The following MSH4 variants were observed in gnomAD, a reference collection of about 807,000 sequenced individuals.
The protein encoded by MSH4 is mutS homolog 4, also known as mutS protein homolog 4.
In MSH4, 106 loss-of-function variants were observed where a neutral mutation model predicts 113.7. The observed-to-expected ratio is 0.93, with a 90% CI of 0.80 to 1.10. MSH4 has a LOEUF of 1.10. Ranked by LOEUF, MSH4 falls within the 50% of genes least tolerant of loss-of-function variation. The probability of loss-of-function intolerance (pLI) is 0.00; values close to 1 mark genes in which losing one functional copy is unlikely to be tolerated. For synonymous variants in MSH4, 368 were observed against 380.2 expected, an observed-to-expected ratio of 0.97 and a Z score of 0.37; for missense variants, 1,061 against 1,093.7, an observed-to-expected ratio of 0.97 and a Z score of 0.42.
chr1:75,808,790 G>A (rs997591663), intron 3 of MSH4, among the ~76,000 whole-genome samples: 5 of 151,940 alleles, frequency 3.3e-5, no homozygotes, highest in Admixed American at 2.0e-4. Context: ...TTAATTTCTT[G>A]CCTTCACTTC....
At position 75,797,186 on chromosome 1, in the gene MSH4, C is replaced by CA. The variant is rs762269263; in HGVS notation, c.202dup (p.Ser68LysfsTer46). 6.2e-7 allele frequency: 1 copy of CA among 1,609,234 alleles called. No individual in the cohort carries two copies. The highest frequency in any genetic ancestry group is 1.1e-5 in the South Asian group (1 of 90,478). ...CTGCGGGCGACCGGAGCAGCAGCAG[C>CA]AGCAGCCTTCCCTGCCCCGCGCCAA... On this transcript the variant is annotated frameshift_variant, in exon 1 of 20. Coordinates refer to ENST00000263187, the MANE Select transcript of MSH4 (RefSeq NM_002440.4). LOFTEE classifies it high-confidence loss of function.
chr1:75,798,389 A>C (rs1570935468), intron 1 of MSH4, among the ~76,000 whole-genome samples: 1 of 152,094 alleles, frequency 6.6e-6, no homozygotes, highest in Non-Finnish European at 1.5e-5. Context: ...AATTATGGGC[A>C]TGTCATTAAA....
intron 19 of MSH4, among the ~76,000 whole-genome samples, chr1:75,907,896 G>A (rs774109981): frequency 1.3e-4 from 20 of 149,452 alleles, no homozygotes; most frequent in Non-Finnish European, 3.0e-4. Context: ...TTTTTAGTGA[G>A]ACGGGGTTTC....
intron 6 of MSH4, among the ~76,000 whole-genome samples, chr1:75,816,824 A>C (rs1294671811): frequency 6.6e-6 from 1 of 152,004 alleles, no homozygotes; most frequent in Non-Finnish European, 1.5e-5. Context: ...ACAGGGTTTC[A>C]CCATATTGGC....
intron 17 of MSH4, among the ~76,000 whole-genome samples, chr1:75,891,778 G>A (rs941534000): frequency 3.3e-5 from 5 of 152,082 alleles, no homozygotes; most frequent in African/African-American, 1.2e-4. Context: ...TATAGAATGA[G>A]AAAAATCTAT....
rs1245039439 is a variant in MSH4 at position 75,848,274 on chromosome 1, A to G, written c.1228A>G (p.Thr410Ala). Residue 410 changes from threonine (T) to alanine (A), a missense_variant and splice_region_variant, in exon 8 of 20, where the codon ACG becomes GCG. Coordinates refer to ENST00000263187, the MANE Select transcript of MSH4 (RefSeq NM_002440.4). ...TTTAGTCCAAATTCCAAAGCAAGAC[A>G]CGGTATGTTTTTGTATACATTTTGT... The part of the protein sequence containing the change: ...SVLVQIPKQD[T>A]VNAAESKITN... 1.3e-6 allele frequency: 2 copies of G among 1,593,564 alleles called. No individual in the cohort carries two copies. The highest frequency in any genetic ancestry group is 3.3e-5 in the Admixed American group (2 of 59,734).
Position 75,867,604 on chromosome 1 carries a change from G to C in MSH4, c.1305+16G>C. ...TCCTTTAAAGGTAATTTATGTGTGT[G>C]TATCGTACAAAACATGTCCAGCATT... On this transcript the variant is annotated intron_variant, in intron 9 of 19. Coordinates refer to ENST00000263187, the MANE Select transcript of MSH4 (RefSeq NM_002440.4). 1 of 1,476,132 alleles carries C rather than the reference G, an allele frequency of 6.8e-7. No individual in the cohort carries two copies. Among genetic ancestry groups the C allele is most frequent in the South Asian group, 1.2e-5 (1 of 82,008 alleles). 91.4% of individuals were successfully genotyped at this position (1,476,132 alleles called of 1,614,324 possible). A position where few individuals can be genotyped will look rare whatever the true frequency, so the allele number is the denominator to read the frequency against.
Position 75,796,926 on chromosome 1 carries a change from G to A in MSH4, c.-60G>A. On this transcript the variant is annotated 5_prime_UTR_variant, in exon 1 of 20. Coordinates refer to ENST00000263187, the MANE Select transcript of MSH4 (RefSeq NM_002440.4). Reference sequence around the variant, plus strand: ...TTCAGCGGCGCAGCTTCTGTAGTTGGGCTACTGGAGGGGTCGCTCAGAAAC... The same window carrying A: ...TTCAGCGGCGCAGCTTCTGTAGTTGAGCTACTGGAGGGGTCGCTCAGAAAC... 6.3e-7 allele frequency: 1 copy of A among 1,599,944 alleles called. No individual in the cohort carries two copies. The highest frequency in any genetic ancestry group is 1.7e-5 in the Admixed American group (1 of 58,804).
chr1:75,865,910 G>T (rs941097366), intron 8 of MSH4, among the ~76,000 whole-genome samples: 8 of 151,958 alleles, frequency 5.3e-5, no homozygotes, highest in African/African-American at 1.9e-4. Context: ...TTCCCATATG[G>T]ATTCATAATT....
chr1:75,820,305 A>G (rs1650381929), intron 6 of MSH4, among the ~76,000 whole-genome samples: 1 of 152,248 alleles, frequency 6.6e-6, no homozygotes, highest in Non-Finnish European at 1.5e-5. Context: ...AATAGCATAT[A>G]TGGGAGCTTG....
intron 1 of MSH4, among the ~76,000 whole-genome samples, chr1:75,799,731 G>T (rs1259512890): frequency 6.6e-6 from 1 of 152,166 alleles, no homozygotes; most frequent in Non-Finnish European, 1.5e-5. Flanking sequence ...TTAGATCTGG[G>T]AGACAAATTT....
intron 7 of MSH4, among the ~76,000 whole-genome samples, chr1:75,826,162 C>G (rs1483028366): frequency 6.6e-6 from 1 of 152,064 alleles, no homozygotes; most frequent in Non-Finnish European, 1.5e-5. Context: ...GGTCTAGTCA[C>G]AGATTCAACT....
intron 6 of MSH4, among the ~76,000 whole-genome samples, chr1:75,822,041 G>A (rs1350779298): frequency 6.6e-6 from 1 of 152,102 alleles, no homozygotes; most frequent in Non-Finnish European, 1.5e-5. Context: ...CAGCACTTTG[G>A]GAGGCCAAGG....
At position 75,902,697 on chromosome 1, in the gene MSH4, A is replaced by G. The variant is rs1355721133; in HGVS notation, c.2619+2991A>G. Among the ~76,000 whole-genome samples the G allele has an allele frequency of 8.4e-4, 15 of 17,762 alleles. 1 individual carries two copies. Among genetic ancestry groups the G allele is most frequent in the Admixed American group, 2.6e-3 (6 of 2,302 alleles). 11.7% of individuals were successfully genotyped at this position (17,762 alleles called of 152,430 possible). On this transcript the variant is annotated intron_variant, in intron 19 of 19. Coordinates refer to ENST00000263187, the MANE Select transcript of MSH4 (RefSeq NM_002440.4). ...TGTATATATATATATATATATATAT[A>G]TATATATATATATATATATATATAT... is the stretch of plus-strand genomic sequence containing the variant.
chr1:75,861,307 T>C (rs755325210), intron 8 of MSH4, among the ~76,000 whole-genome samples: 8 of 152,242 alleles, frequency 5.3e-5, no homozygotes, highest in Non-Finnish European at 1.0e-4. Context: ...GTTCCCTTGC[T>C]GGTGAGGAGT....
At chr1:75,813,352 A>G (rs1374147197) in intron 4 of MSH4, among the ~76,000 whole-genome samples, 1 of 152,218 alleles carries the variant, frequency 6.6e-6, no homozygotes, top group African/African-American at 2.4e-5. Context: ...AGGCAAAAAC[A>G]ACATAATTTC....
intron 2 of MSH4, among the ~76,000 whole-genome samples, chr1:75,804,904 T>C (rs563627049): frequency 7.9e-5 from 12 of 152,258 alleles, no homozygotes; most frequent in South Asian, 2.1e-4. Context: ...CTTGGCTCAC[T>C]GTAACCTCTG....
chr1:75,835,100 A>G (rs900338811), intron 7 of MSH4, among the ~76,000 whole-genome samples: 2 of 152,074 alleles, frequency 1.3e-5, no homozygotes, highest in Non-Finnish European at 2.9e-5. Context: ...TGTCTTCCAT[A>G]CCTCCACTTG....
In MSH4 at chr1:75,890,778, G is replaced by A; in HGVS notation, c.2309G>A (p.Gly770Asp). 1 of 1,609,778 alleles carries A rather than the reference G, an allele frequency of 6.2e-7. No homozygotes were observed. Among genetic ancestry groups the A allele is most frequent in the Non-Finnish European group, 8.5e-7 (1 of 1,177,856 alleles). Reference protein sequence around the residue: ...ELGRGTNTEEGIGICYAVCEY... With the variant: ...ELGRGTNTEEDIGICYAVCEY... ...GGCAGAGGTACTAATACGGAAGAAG[G>A]TATTGGCATTTGTTATGCTGTTTGT... is the stretch of plus-strand genomic sequence containing the variant. Residue 770 changes from glycine (G) to aspartate (D), a missense_variant, in exon 17 of 20, where the codon GGT becomes GAT. Coordinates refer to ENST00000263187, the MANE Select transcript of MSH4 (RefSeq NM_002440.4).
Sources: allele counts gnomAD v4.1 joint callset (sites outside exome capture counted in the v4.1 genomes callset), GRCh38; gene constraint gnomAD v4.1.1; transcripts MANE v1.5; gene names NCBI Gene and HGNC (gene_info 2026-07-23, HGNC 2026-07-21).